The following WWC1 variants were observed in gnomAD, a reference collection of about 807,000 sequenced individuals.
The protein encoded by WWC1 is WW and C2 domain containing 1.
In WWC1, 55 loss-of-function variants were observed where a neutral mutation model predicts 138.4. The ratio of observed to expected loss-of-function variants is 0.40; its 90% CI spans 0.32 to 0.50. The LOEUF (loss-of-function observed/expected upper bound fraction) is 0.50. Ranked by LOEUF, WWC1 falls within the 20% of genes least tolerant of loss-of-function variation. WWC1 has a pLI of 0.72. For synonymous variants in WWC1, 524 were observed against 564.9 expected, an observed-to-expected ratio of 0.93 and a Z score of 1.03; for missense variants, 1,226 against 1,420.4, an observed-to-expected ratio of 0.86 and a Z score of 2.20.
Position 168,356,600 on chromosome 5 carries a change from A to T in WWC1, c.120-14824A>T, listed in dbSNP as rs551937689. Reference sequence around the variant, plus strand: ...TGAAACCTGTAGACAATCCACAAGGATCCTTTCTACCTTAGTGTCACCTTC... The same window carrying T: ...TGAAACCTGTAGACAATCCACAAGGTTCCTTTCTACCTTAGTGTCACCTTC... On this transcript the variant is annotated intron_variant, in intron 1 of 22. Coordinates refer to ENST00000265293, the MANE Select transcript of WWC1 (RefSeq NM_015238.3). Among the ~76,000 whole-genome samples the T allele has an allele frequency of 3.9e-5, 6 of 152,320 alleles. No individual in the cohort carries two copies. In the East Asian group the frequency reaches 1.2e-3, roughly 29 times the overall value.
intron 8 of WWC1, chr5:168,411,899 G>A: frequency 2.3e-6 from 2 of 886,278 alleles, no homozygotes; most frequent in Non-Finnish European, 2.7e-6. Flanking sequence ...TTGAAAGTAC[G>A]AAAGGAGTGA....
intron 15 of WWC1, among the ~76,000 whole-genome samples, chr5:168,436,988 C>A (rs1030480620): frequency 6.6e-6 from 1 of 152,190 alleles, no homozygotes; most frequent in Non-Finnish European, 1.5e-5. Context: ...CTTTGCCTGG[C>A]CTCCAAGGCC....
At position 168,380,657 on chromosome 5, in the gene WWC1, A is replaced by C. The variant is rs1209195068; in HGVS notation, c.230-4554A>C. 3.3e-5 allele frequency among the ~76,000 whole-genome samples: 5 copies of C among 152,178 alleles called. No individual in the cohort carries two copies. The East Asian group carries it at 7.7e-4, about 23-fold the overall frequency. ...GACATATACTTGCGAAGTATAATCC[A>C]GCAATTCTACCCCTGGTATTTTTGT... On this transcript the variant is annotated intron_variant, in intron 2 of 22. Transcript: ENST00000265293.
Position 168,384,905 on chromosome 5 carries a change from CG to C in WWC1, c.230-304del, listed in dbSNP as rs372565452. Among the ~76,000 whole-genome samples, 1,285 of 151,838 alleles carry C rather than the reference CG, an allele frequency of 8.5e-3. 21 individuals are homozygous for C. Among genetic ancestry groups the C allele is most frequent in the African/African-American group, 0.03 (1,237 of 41,368 alleles). On this transcript the variant is annotated intron_variant, in intron 2 of 22. Transcript: ENST00000265293. Reference sequence around the variant, plus strand: ...CTAATTTTTGTATTTTTAGTAGAGACGGAGTTTTACCATGTTGGCCAGGCTG... The same window carrying C: ...CTAATTTTTGTATTTTTAGTAGAGACGAGTTTTACCATGTTGGCCAGGCTG...
intron 2 of WWC1, among the ~76,000 whole-genome samples, chr5:168,374,129 C>G (rs1207411585): frequency 6.6e-6 from 1 of 151,638 alleles, no homozygotes; most frequent in African/African-American, 2.4e-5. Flanking sequence ...ATCGAGCATT[C>G]ATTCATTTAG....
At chr5:168,349,016 A>G (rs568110869) in intron 1 of WWC1, among the ~76,000 whole-genome samples, 104 of 152,234 alleles carry the variant, frequency 6.8e-4, no homozygotes, top group Non-Finnish European at 1.2e-3. Context: ...CCCATTTTAC[A>G]TAGGAGGAAA....
chr5:168,365,682 G>T (rs547205526), intron 1 of WWC1, among the ~76,000 whole-genome samples: 4 of 152,332 alleles, frequency 2.6e-5, no homozygotes, highest in African/African-American at 9.6e-5. Flanking sequence ...TCCCCGACAG[G>T]TGTGCCTGTG....
At chr5:168,355,794 G>A (rs938810492) in intron 1 of WWC1, among the ~76,000 whole-genome samples, 11 of 152,032 alleles carry the variant, frequency 7.2e-5, no homozygotes, top group Non-Finnish European at 1.2e-4. Context: ...TATGGGGGTG[G>A]GTAAGGGAGT....
chr5:168,421,269 G>A (rs1005985549), intron 9 of WWC1, among the ~76,000 whole-genome samples: 5 of 152,110 alleles, frequency 3.3e-5, no homozygotes, highest in South Asian at 2.1e-4. Flanking sequence ...TTGGTCATAC[G>A]CCCTGCCCAC....
intron 15 of WWC1, among the ~76,000 whole-genome samples, chr5:168,434,252 C>T (rs1426847191): frequency 6.6e-6 from 1 of 152,220 alleles, no homozygotes; most frequent in Non-Finnish European, 1.5e-5. Context: ...CTCACTGTGG[C>T]TTGTCTCTGC....
intron 1 of WWC1, among the ~76,000 whole-genome samples, chr5:168,357,481 TG>T (rs1775531442): frequency 1.3e-5 from 1 of 79,824 alleles, no homozygotes. Context: ...TGTGTGTGTG[TG>T]TGTGTGTGTG....
intron 1 of WWC1, among the ~76,000 whole-genome samples, chr5:168,341,506 A>G (rs944340673): frequency 3.1e-4 from 47 of 152,248 alleles, no homozygotes; most frequent in Admixed American, 9.8e-4. Context: ...TCTTGCTGTC[A>G]GAGATCACTG....
intron 3 of WWC1, among the ~76,000 whole-genome samples, chr5:168,396,142 G>T (rs1778884901): frequency 6.6e-6 from 1 of 152,092 alleles, no homozygotes; most frequent in African/African-American, 2.4e-5. Flanking sequence ...CCAGCACTTT[G>T]GGAGGCCCAG....
chr5:168,369,325 G>C (rs1305697507), intron 1 of WWC1, among the ~76,000 whole-genome samples: 1 of 152,204 alleles, frequency 6.6e-6, no homozygotes, highest in East Asian at 1.9e-4. Flanking sequence ...GCTCAGAGAA[G>C]GAAAGTAAGT....
intron 1 of WWC1, among the ~76,000 whole-genome samples, chr5:168,337,787 G>A (rs1486976076): frequency 6.6e-6 from 1 of 152,208 alleles, no homozygotes; most frequent in African/African-American, 2.4e-5. Context: ...AATAAATGAG[G>A]GGACCTCACT....
intron 3 of WWC1, among the ~76,000 whole-genome samples, chr5:168,390,745 A>G (rs1004398876): frequency 6.6e-6 from 1 of 152,242 alleles, no homozygotes; most frequent in East Asian, 1.9e-4. Flanking sequence ...TCTGGGTCCC[A>G]GACACAGACG....
intron 3 of WWC1, among the ~76,000 whole-genome samples, chr5:168,386,225 CTG>C (rs1408232265): frequency 6.6e-6 from 1 of 151,922 alleles, no homozygotes; most frequent in Non-Finnish European, 1.5e-5. Flanking sequence ...CCATGGCTGT[CTG>C]TTTATTTCCT....
rs1755544712 is a variant in WWC1 at position 168,448,961 on chromosome 5, A to C, written c.2525+4376A>C. 5.9e-5 allele frequency among the ~76,000 whole-genome samples: 9 copies of C among 152,338 alleles called. No individual in the cohort carries two copies. In the South Asian group the frequency reaches 1.7e-3, roughly 28 times the overall value. On this transcript the variant is annotated intron_variant, in intron 17 of 22. Transcript: ENST00000265293. The stretch of plus-strand genomic sequence containing the variant: ...AATGCTCCCACCAGCAATGATTAAG[A>C]GTACCCTAACCTACAGCCTCTCTGA...
intron 4 of WWC1, among the ~76,000 whole-genome samples, chr5:168,398,002 A>G (rs1026721167): frequency 6.6e-6 from 1 of 150,778 alleles, no homozygotes; most frequent in African/African-American, 2.4e-5. Flanking sequence ...AGCAGTCACC[A>G]TGTACCAGGC....
Sources: allele counts gnomAD v4.1 joint callset (sites outside exome capture counted in the v4.1 genomes callset), GRCh38; gene constraint gnomAD v4.1.1; transcripts MANE v1.5; gene names NCBI Gene and HGNC (gene_info 2026-07-23, HGNC 2026-07-21).